Variants in DESI2 observed in about 807,000 individuals in gnomAD.
DESI2 encodes the protein desumoylating isopeptidase 2.
DESI2 carries 10 observed loss-of-function variants against 24.1 expected under a neutral mutation model. The observed-to-expected ratio is 0.41, with a 90% CI of 0.26 to 0.70. DESI2 has a LOEUF of 0.70. Ranked by LOEUF, DESI2 falls within the 30% of genes least tolerant of loss-of-function variation. The pLI, the probability that DESI2 is intolerant of heterozygous loss-of-function variation, is 0.29. For missense variants in DESI2, 122 were observed against 234.9 expected (o/e 0.52, Z 3.14); for synonymous variants, 71 against 87.7 (o/e 0.81, Z 1.06).
chr1:244,658,492 G>A (rs767567424), intron 1 of DESI2, among the ~76,000 whole-genome samples: 2 of 151,986 alleles, frequency 1.3e-5, no homozygotes, highest in Non-Finnish European at 2.9e-5. Flanking sequence ...GTTGTGCTTC[G>A]TGCCTGTCTC....
chr1:244,690,273 A>G (rs1274974957), intron 3 of DESI2, among the ~76,000 whole-genome samples: 2 of 152,236 alleles, frequency 1.3e-5, no homozygotes, highest in East Asian at 3.9e-4. Flanking sequence ...CCTGTGTCCA[A>G]GTGTTCTCAT....
chr1:244,658,244 G>A (rs1030571601), intron 1 of DESI2, among the ~76,000 whole-genome samples: 2 of 152,048 alleles, frequency 1.3e-5, no homozygotes, highest in Non-Finnish European at 2.9e-5. Flanking sequence ...TTATGATGTG[G>A]CCCCTGGCTG....
intron 3 of DESI2, among the ~76,000 whole-genome samples, chr1:244,691,450 T>C (rs1425999505): frequency 6.6e-6 from 1 of 152,246 alleles, no homozygotes; most frequent in Admixed American, 6.5e-5. Context: ...TGCAGCACAG[T>C]GACAGATAAC....
Position 244,705,539 on chromosome 1 carries a change from C to G in DESI2, c.352-17C>G. 6.2e-7 allele frequency: 1 copy of G among 1,601,474 alleles called. No homozygotes were observed. Among genetic ancestry groups the G allele is most frequent in the Non-Finnish European group, 8.6e-7 (1 of 1,168,588 alleles). On this transcript the variant is annotated splice_polypyrimidine_tract_variant and intron_variant, in intron 4 of 4. Transcript: ENST00000302550. Reference sequence around the variant, plus strand: ...TTAACCTCTCTTACCTAATACAGAACTCTTTCTCTTCTGTAGATTCTTTGT... The same window carrying G: ...TTAACCTCTCTTACCTAATACAGAAGTCTTTCTCTTCTGTAGATTCTTTGT...
intron 1 of DESI2, among the ~76,000 whole-genome samples, chr1:244,665,741 G>A (rs1412524728): frequency 6.6e-6 from 1 of 152,184 alleles, no homozygotes; most frequent in Non-Finnish European, 1.5e-5. Flanking sequence ...ACGAATTTTG[G>A]CTCCAGACAA....
rs114775914 is a variant in DESI2 at position 244,659,335 on chromosome 1, T to C, written c.42+5980T>C. On this transcript the variant is annotated intron_variant, in intron 1 of 4. Transcript: ENST00000302550. ...ACACAAATTTATCATCTCACACTTA[T>C]GTAAATCAGAAGACCAGGTGGGTTA... 1.8e-3 allele frequency among the ~76,000 whole-genome samples: 271 copies of C among 152,306 alleles called. 3 individuals carry two copies. The highest frequency in any genetic ancestry group is 6.1e-3 in the African/African-American group (254 of 41,570).
chr1:244,654,165 G>T, intron 1 of DESI2: 1 of 379,600 alleles, frequency 2.6e-6, no homozygotes, highest in South Asian at 2.0e-5. Context: ...AATGCCCCCA[G>T]AAAAAAGCAC....
chr1:244,703,660 CTTT>C (rs34869457), intron 4 of DESI2, among the ~76,000 whole-genome samples: 96 of 143,126 alleles, frequency 6.7e-4, no homozygotes, highest in Non-Finnish European at 7.5e-4. Flanking sequence ...CTCATGTACA[CTTT>C]TTTTTTTTTT....
intron 1 of DESI2, among the ~76,000 whole-genome samples, chr1:244,685,700 A>G (rs1391837221): frequency 2.6e-5 from 4 of 152,218 alleles, no homozygotes; most frequent in African/African-American, 9.7e-5. Context: ...AGACTTGAAT[A>G]AACCTAGAAC....
At chr1:244,659,812 A>G (rs1383811417) in intron 1 of DESI2, among the ~76,000 whole-genome samples, 2 of 152,226 alleles carry the variant, frequency 1.3e-5, no homozygotes, top group South Asian at 4.1e-4. Context: ...CCACAGTGCC[A>G]TCTATGAAAG....
intron 1 of DESI2, among the ~76,000 whole-genome samples, chr1:244,676,030 T>G (rs1053531003): frequency 5.3e-5 from 8 of 152,146 alleles, no homozygotes; most frequent in African/African-American, 1.9e-4. Context: ...GTAAATGGAA[T>G]TTTCTTAATT....
intron 2 of DESI2, among the ~76,000 whole-genome samples, chr1:244,687,413 A>G (rs1676862874): frequency 6.6e-6 from 1 of 152,202 alleles, no homozygotes; most frequent in East Asian, 1.9e-4. Flanking sequence ...GACAGATCAC[A>G]TTGCTGATTT....
At chr1:244,664,616 T>A (rs187460946) in intron 1 of DESI2, among the ~76,000 whole-genome samples, 1 of 152,332 alleles carries the variant, frequency 6.6e-6, no homozygotes, top group East Asian at 1.9e-4. Context: ...GAGGATTGCC[T>A]CAGCCCAGAA....
At chr1:244,699,898 C>T (rs1677376941) in intron 4 of DESI2, among the ~76,000 whole-genome samples, 2 of 152,206 alleles carry the variant, frequency 1.3e-5, no homozygotes, top group Admixed American at 1.3e-4. Flanking sequence ...GCCTGCTGAG[C>T]CTGTGCTCAA....
At chr1:244,667,296 G>A (rs1043141297) in intron 1 of DESI2, among the ~76,000 whole-genome samples, 4 of 152,100 alleles carry the variant, frequency 2.6e-5, no homozygotes, top group Non-Finnish European at 5.9e-5. Context: ...TGGGGATACA[G>A]GTATTGGATA....
intron 1 of DESI2, among the ~76,000 whole-genome samples, chr1:244,665,610 G>A (rs1360471457): frequency 6.6e-6 from 1 of 152,158 alleles, no homozygotes; most frequent in African/African-American, 2.4e-5. Flanking sequence ...TGCTGCTAAG[G>A]TGCTTTTTAG....
At chr1:244,693,556 C>T (rs892781003) in intron 4 of DESI2, among the ~76,000 whole-genome samples, 28 of 152,196 alleles carry the variant, frequency 1.8e-4, no homozygotes, top group African/African-American at 6.3e-4. Context: ...CTCAGCCTCC[C>T]GAGTAGCTGG....
At chr1:244,703,061 G>GCACGATCTCAGCTCACTGC (rs1473163562) in intron 4 of DESI2, among the ~76,000 whole-genome samples, 19 of 148,646 alleles carry the variant, frequency 1.3e-4, no homozygotes, top group South Asian at 4.4e-4. Context: ...GAGTGCAGTG[G>GCACGATCTCAGCTCACTGC]CACGATCTCA....
At chr1:244,704,757 C>A (rs112230899) in intron 4 of DESI2, among the ~76,000 whole-genome samples, 1,799 of 152,280 alleles carry the variant, frequency 0.012, 29 homozygotes, top group Non-Finnish European at 0.013. Flanking sequence ...CTCCCGGGTT[C>A]AGGTGATTCT....
Sources: gnomAD v4.1 joint callset for allele counts (sites outside exome capture counted in the v4.1 genomes callset) on GRCh38, gnomAD v4.1.1 for gene constraint, MANE v1.5 for transcripts, NCBI Gene and HGNC (gene_info 2026-07-23, HGNC 2026-07-21) for gene names.